TFEB: variants seen among roughly 807,000 people sequenced by gnomAD.
TFEB encodes transcription factor EB.
In TFEB, 12 loss-of-function variants were observed where a neutral mutation model predicts 48.0. That is an observed-to-expected ratio of 0.25 (90% confidence interval 0.16 to 0.40). TFEB has a LOEUF of 0.40. TFEB is among the 10% of genes least tolerant of loss of function. The pLI is 1.00. For missense variants in TFEB, 509 were observed against 640.3 expected (o/e 0.79, Z 2.21); for synonymous variants, 244 against 261.4 (o/e 0.93, Z 0.64).
chr6:41,705,945 G>T lies in TFEB; in HGVS notation c.-22-14710C>A, dbSNP rs1157374725. 3 of 152,266 alleles carry T rather than the reference G, an allele frequency of 2.0e-5. No homozygotes were observed. In the East Asian group the frequency reaches 5.8e-4, roughly 29 times the overall value. 9.4% of individuals were successfully genotyped at this position (152,266 alleles called of 1,614,324 possible). ...AAGCTCTCGTCAGCTCACACCCCTG[G>T]GAGAGGCAGCTGACAGCTGGCCTGA... On this transcript the variant is annotated intron_variant, in intron 1 of 8. Transcript: ENST00000373033.
chr6:41,695,131 T>C (rs1000286230), intron 1 of TFEB, among the ~76,000 whole-genome samples: 1 of 152,362 alleles, frequency 6.6e-6, no homozygotes. Context: ...TTCACCTCTC[T>C]GTGCTAGGCT....
intron 1 of TFEB, among the ~76,000 whole-genome samples, chr6:41,711,250 TG>T (rs1770462798): frequency 6.6e-6 from 1 of 152,236 alleles, no homozygotes; most frequent in South Asian, 2.1e-4. Flanking sequence ...GTCACCTCTC[TG>T]GTTTTCTCAG....
At position 41,734,258 on chromosome 6, in the gene TFEB, G is replaced by A; in HGVS notation, c.-23+1092C>T. On this transcript the variant is annotated intron_variant, in intron 1 of 8. Transcript: ENST00000373033. This position sits in a 1 kb window ranked among gnomAD's most constrained non-coding sequence, Gnocchi z 4.0. ...GCGGAGAGCGGAGGGCGGGGGCCTGGGCCCAGCGGGGTTCGCGCAGACAAG... is the reference window on the plus strand; with the variant it reads ...GCGGAGAGCGGAGGGCGGGGGCCTGAGCCCAGCGGGGTTCGCGCAGACAAG... The A allele has an allele frequency of 2.7e-6, 2 of 754,408 alleles. No individual in the cohort carries two copies. Among genetic ancestry groups the A allele is most frequent in the Non-Finnish European group, 3.2e-6 (2 of 618,896 alleles). 46.7% of individuals were successfully genotyped at this position (754,408 alleles called of 1,614,324 possible).
intron 1 of TFEB, 24 bp downstream of exon 1, chr6:41,735,326 C>T: frequency 2.0e-6 from 2 of 985,002 alleles, no homozygotes; most frequent in Non-Finnish European, 1.2e-6. Flanking sequence ...CTCCTCGTGC[C>T]TCTCGCTCCC....
At chr6:41,702,429 G>A (rs1769983754) in intron 1 of TFEB, among the ~76,000 whole-genome samples, 1 of 152,172 alleles carries the variant, frequency 6.6e-6, no homozygotes, top group Admixed American at 6.5e-5. Flanking sequence ...AGGTGAGGGT[G>A]GTAAGGGTTG....
At chr6:41,733,768 C>T (rs890103671) in intron 1 of TFEB, 1 of 985,254 alleles carries the variant, frequency 1.0e-6, no homozygotes, top group Middle Eastern at 5.2e-4. Flanking sequence ...CCTCCCCGGA[C>T]AGTGAGCTCC....
chr6:41,697,694 A>G (rs1769681899), intron 1 of TFEB, among the ~76,000 whole-genome samples: 1 of 152,218 alleles, frequency 6.6e-6, no homozygotes, highest in Admixed American at 6.5e-5. Flanking sequence ...TGTTGTGCAT[A>G]AAGATGCACT....
intron 1 of TFEB, among the ~76,000 whole-genome samples, chr6:41,718,942 C>T (rs999526726): frequency 2.6e-5 from 4 of 152,250 alleles, no homozygotes; most frequent in South Asian, 2.1e-4. Context: ...GGCCACAGAC[C>T]CATACTAATC....
intron 1 of TFEB, among the ~76,000 whole-genome samples, chr6:41,715,611 AGTGAGCC>A (rs1338613185): frequency 1.3e-5 from 2 of 151,764 alleles, no homozygotes; most frequent in Non-Finnish European, 2.9e-5. Flanking sequence ...CGGAGCTTGC[AGTGAGCC>A]GAGATCACGC....
At position 41,690,476 on chromosome 6, in the gene TFEB, C is replaced by A. The variant is rs1769242326; in HGVS notation, c.468+187G>T. On this transcript the variant is annotated intron_variant, in intron 3 of 8. Coordinates refer to ENST00000373033, the MANE Select transcript of TFEB (RefSeq NM_001271944.2). ...TAAGGATGGCGTTTCCTCTGTGAGG[C>A]TCCCTGAGGGCAGGGCTGTGTCTTC... 1.3e-5 allele frequency among the ~76,000 whole-genome samples: 2 copies of A among 152,246 alleles called. 1 individual carries two copies. The highest frequency in any genetic ancestry group is 1.3e-4 in the Admixed American group (2 of 15,294).
In TFEB at chr6:41,723,441, G is replaced by A; in HGVS notation, c.-23+11909C>T. 7.9e-7 allele frequency: 1 copy of A among 1,258,810 alleles called. No individual in the cohort carries two copies. The highest frequency in any genetic ancestry group is 1.0e-6 in the Non-Finnish European group (1 of 962,026). 78.0% of individuals were successfully genotyped at this position (1,258,810 alleles called of 1,614,324 possible). On this transcript the variant is annotated intron_variant, in intron 1 of 8. Coordinates refer to ENST00000373033, the MANE Select transcript of TFEB (RefSeq NM_001271944.2). The surrounding 1 kb of genome is among the most constrained non-coding windows in gnomAD (Gnocchi z 6.0). The stretch of plus-strand genomic sequence containing the variant: ...CACACATGCACACACTCACACACAT[G>A]CACGCGTGTGCTCTCATACCTTCGA...
At position 41,690,671 on chromosome 6, in the gene TFEB, C is replaced by G; in HGVS notation, c.460G>C (p.Glu154Gln). Reference sequence around the variant, plus strand: ...GCCAGCTCCTCACTCACCTCCCTCTCAGGGTTGGAGCCAATGTGCAGCATG... The same window carrying G: ...GCCAGCTCCTCACTCACCTCCCTCTGAGGGTTGGAGCCAATGTGCAGCATG... Reference protein sequence around the residue: ...MAMLHIGSNPERELDDVIDNI... With the variant: ...MAMLHIGSNPQRELDDVIDNI... The change falls in exon 3 of 9, where the codon GAG (glutamate) becomes CAG (glutamine). Residue 154 changes from glutamate to glutamine, a missense_variant. Around this residue, in one of 4 missense-constraint regions of TFEB, gnomAD observed 251 missense variants for 317.2 expected, o/e 0.79. Transcript: ENST00000373033. 1 of 1,522,210 alleles carries G rather than the reference C, an allele frequency of 6.6e-7. No homozygotes were observed. The highest frequency in any genetic ancestry group is 8.8e-7 in the Non-Finnish European group (1 of 1,130,208). The allele number at this position is 1,522,210 out of a possible 1,614,324, so 94.3% of individuals were successfully genotyped here.
chr6:41,731,851 G>C (rs1254113369), intron 1 of TFEB, among the ~76,000 whole-genome samples: 2 of 152,124 alleles, frequency 1.3e-5, no homozygotes, highest in African/African-American at 2.4e-5. Context: ...TCCCTTCCTG[G>C]GTGTCTGGGG....
rs1769320155 is a variant in TFEB at position 41,691,553 on chromosome 6, G to A, written c.-22-318C>T. 6 of 553,208 alleles carry A rather than the reference G, an allele frequency of 1.1e-5. No individual in the cohort carries two copies. The highest frequency in any genetic ancestry group is 2.9e-5 in the Admixed American group (1 of 34,922). 34.3% of individuals were successfully genotyped at this position (553,208 alleles called of 1,614,324 possible). A position where few individuals can be genotyped will look rare whatever the true frequency, so the allele number is the denominator to read the frequency against. On this transcript the variant is annotated intron_variant, in intron 1 of 8. Transcript: ENST00000373033. This position sits in a 1 kb window ranked among gnomAD's most constrained non-coding sequence, Gnocchi z 5.2. ...CCCACATCCTGATCCTGTTAGATCCGACCTCATATCCACCCTCCTTTGCTG... is the reference window on the plus strand; with the variant it reads ...CCCACATCCTGATCCTGTTAGATCCAACCTCATATCCACCCTCCTTTGCTG...
intron 1 of TFEB, among the ~76,000 whole-genome samples, chr6:41,696,355 C>A (rs1769582856): frequency 6.6e-6 from 1 of 152,100 alleles, no homozygotes; most frequent in Non-Finnish European, 1.5e-5. Flanking sequence ...TGTATAGGAA[C>A]CAAAACTGGA....
chr6:41,729,014 C>T (rs765741544), intron 1 of TFEB, among the ~76,000 whole-genome samples: 10 of 152,182 alleles, frequency 6.6e-5, no homozygotes, highest in South Asian at 4.1e-4. Context: ...GGGTACGGCA[C>T]GGACCAAAAC....
chr6:41,723,491 C>T lies in TFEB; in HGVS notation c.-23+11859G>A. The stretch of plus-strand genomic sequence containing the variant: ...AGAGGGCAGCCCCCTGGAAGGAGGC[C>T]CCTGGAATGCTCAGCTCCTCCAGGG... On this transcript the variant is annotated intron_variant, in intron 1 of 8. Transcript: ENST00000373033. The surrounding 1 kb of genome is among the most constrained non-coding windows in gnomAD (Gnocchi z 6.0). 7.8e-7 allele frequency: 1 copy of T among 1,289,552 alleles called. No homozygotes were observed. Among genetic ancestry groups the T allele is most frequent in the Non-Finnish European group, 1.0e-6 (1 of 988,794 alleles). The allele number at this position is 1,289,552 out of a possible 1,614,324, so 79.9% of individuals were successfully genotyped here.
intron 7 of TFEB, chr6:41,686,505 T>C: frequency 1.5e-5 from 4 of 260,178 alleles, no homozygotes; most frequent in Non-Finnish European, 2.7e-5. Context: ...CCAGCCTACC[T>C]TTCTTTTTTT....
At chr6:41,696,219 A>G (rs1236767223) in intron 1 of TFEB, among the ~76,000 whole-genome samples, 2 of 152,172 alleles carry the variant, frequency 1.3e-5, no homozygotes, top group Non-Finnish European at 2.9e-5. Context: ...TGCCCTCTAA[A>G]TGATCCTTTA....
Sources: allele counts gnomAD v4.1 joint callset (sites outside exome capture counted in the v4.1 genomes callset), GRCh38; gene constraint gnomAD v4.1.1; regional missense constraint gnomAD v4.1.1; non-coding constraint Gnocchi (gnomAD v3.1); transcripts MANE v1.5; gene names NCBI Gene and HGNC (gene_info 2026-07-23, HGNC 2026-07-21).